The following PCCA variants were observed in gnomAD, a reference collection of about 807,000 sequenced individuals.
The protein encoded by PCCA is propionyl-CoA carboxylase subunit alpha.
A neutral mutation model predicts 101.3 loss-of-function variants in PCCA; 74 were observed. The ratio of observed to expected loss-of-function variants is 0.73; its 90% CI spans 0.61 to 0.89. PCCA has a LOEUF of 0.89. Ranked by LOEUF, PCCA falls within the 40% of genes least tolerant of loss-of-function variation. PCCA has a pLI of 0.00. For missense variants in PCCA, 891 were observed against 907.0 expected, an observed-to-expected ratio of 0.98 and a Z score of 0.23; for synonymous variants, 294 against 313.6, an observed-to-expected ratio of 0.94 and a Z score of 0.66.
At chr13:100,473,163 T>TGGTGTACCTGTGCCGC (rs2152957595) in intron 21 of PCCA, 1 of 152,354 alleles carries the variant, frequency 6.6e-6, no homozygotes, top group Non-Finnish European at 1.5e-5. Context: ...AACGGTGACG[T>TGGTGTACCTGTGCCGC]GGTGTACCTG....
chr13:100,304,884 A>G (rs1325999075), intron 14 of PCCA, among the ~76,000 whole-genome samples: 1 of 152,194 alleles, frequency 6.6e-6, no homozygotes, highest in Non-Finnish European at 1.5e-5. Context: ...AGATTTATTA[A>G]TATGGCAGAG....
chr13:100,444,431 C>CTT (rs57941571), intron 20 of PCCA, among the ~76,000 whole-genome samples: 2 of 45,458 alleles, frequency 4.4e-5, no homozygotes, highest in Non-Finnish European at 7.3e-5. Flanking sequence ...TTTGAACAAC[C>CTT]TTTTTTTTTT....
intron 19 of PCCA, among the ~76,000 whole-genome samples, chr13:100,398,883 TATTA>T (rs1219458521): frequency 6.6e-6 from 1 of 152,342 alleles, no homozygotes; most frequent in South Asian, 2.1e-4. Flanking sequence ...AAAAATTTAC[TATTA>T]ATTATAATAA....
chr13:100,422,182 G>A (rs1197881645), intron 19 of PCCA, among the ~76,000 whole-genome samples: 11 of 142,808 alleles, frequency 7.7e-5, no homozygotes, highest in Non-Finnish European at 1.5e-5. Flanking sequence ...GTCCAGCCTG[G>A]AGTGCAGTGG....
At chr13:100,210,812 C>T (rs1428514574) in intron 7 of PCCA, among the ~76,000 whole-genome samples, 1 of 152,166 alleles carries the variant, frequency 6.6e-6, no homozygotes, top group Non-Finnish European at 1.5e-5. Context: ...TCATTTCATG[C>T]ATTAGAGGAC....
At position 100,308,514 on chromosome 13, in the gene PCCA, T is replaced by C. The variant is rs112471983; in HGVS notation, c.1353+1254T>C. Among the ~76,000 whole-genome samples, 659 of 151,892 alleles carry C rather than the reference T, an allele frequency of 4.3e-3. 10 individuals carry two copies. The highest frequency in any genetic ancestry group is 0.015 in the African/African-American group (634 of 41,414). On this transcript the variant is annotated intron_variant, in intron 15 of 23. Coordinates refer to ENST00000376285, the MANE Select transcript of PCCA (RefSeq NM_000282.4). The stretch of plus-strand genomic sequence containing the variant: ...TATTTTTTTATATCTTTTGTAGAAA[T>C]GGGGCTTCCTCATGTTACCCAGGCT...
intron 6 of PCCA, among the ~76,000 whole-genome samples, chr13:100,191,861 A>G (rs1275075684): frequency 6.6e-6 from 1 of 152,184 alleles, no homozygotes; most frequent in African/African-American, 2.4e-5. Context: ...TTAGTCTATT[A>G]TATACAATGC....
At chr13:100,502,096 C>T (rs1486843075) in intron 21 of PCCA, among the ~76,000 whole-genome samples, 1 of 152,142 alleles carries the variant, frequency 6.6e-6, no homozygotes, top group Non-Finnish European at 1.5e-5. Context: ...TAATTTAGTG[C>T]TCACACTACA....
intron 10 of PCCA, among the ~76,000 whole-genome samples, 176 bp downstream of exon 10, chr13:100,263,007 C>T (rs1009010767): frequency 2.6e-5 from 4 of 152,016 alleles, no homozygotes; most frequent in Admixed American, 6.6e-5. Context: ...AAAAATCTAC[C>T]TCCAAAAAAT....
At chr13:100,257,035 C>A (rs756269927) in intron 8 of PCCA, among the ~76,000 whole-genome samples, 20 of 152,134 alleles carry the variant, frequency 1.3e-4, no homozygotes, top group Non-Finnish European at 2.4e-4. Flanking sequence ...TCCATTGATA[C>A]CAGTGAGCCC....
intron 4 of PCCA, among the ~76,000 whole-genome samples, chr13:100,141,305 T>G (rs552002529): frequency 2.6e-5 from 4 of 152,236 alleles, no homozygotes; most frequent in Admixed American, 1.3e-4. Context: ...CTCTGTTAGT[T>G]CTCTCTCACT....
At chr13:100,302,849 A>G (rs2066168907) in intron 13 of PCCA, 75 bp from the exon 14 acceptor site, 1 of 849,100 alleles carries the variant, frequency 1.2e-6, no homozygotes, top group Non-Finnish European at 2.1e-6. Context: ...ATGGTTCTTC[A>G]TTGTGTAAAT....
At chr13:100,224,314 G>A (rs1224388890) in intron 7 of PCCA, among the ~76,000 whole-genome samples, 3 of 152,236 alleles carry the variant, frequency 2.0e-5, no homozygotes, top group Admixed American at 2.0e-4. Context: ...CTCATTGCCC[G>A]GGGCCGGCAG....
chr13:100,298,419 C>T (rs1006444354), intron 12 of PCCA, among the ~76,000 whole-genome samples: 1 of 152,126 alleles, frequency 6.6e-6, no homozygotes, highest in African/African-American at 2.4e-5. Flanking sequence ...GACACAGAAA[C>T]CTTTTCCCCC....
intron 19 of PCCA, among the ~76,000 whole-genome samples, chr13:100,406,808 T>C (rs777012309): frequency 5.9e-5 from 9 of 152,246 alleles, no homozygotes; most frequent in Non-Finnish European, 1.2e-4. Context: ...AAAAGGTTGC[T>C]TCAGGTTTCT....
intron 4 of PCCA, chr13:100,150,902 C>G (rs1023434615): frequency 1.3e-5 from 20 of 1,550,282 alleles, no homozygotes; most frequent in Non-Finnish European, 1.8e-5. Flanking sequence ...ACGGCAAACA[C>G]GAATCCTATA....
chr13:100,211,543 C>G (rs1242396331), intron 7 of PCCA, among the ~76,000 whole-genome samples: 3 of 152,212 alleles, frequency 2.0e-5, no homozygotes, highest in East Asian at 3.9e-4. Flanking sequence ...TTACTCAGTT[C>G]TAGTTTTTGT....
chr13:100,454,019 G>A (rs1158689549), intron 21 of PCCA, among the ~76,000 whole-genome samples: 4 of 151,860 alleles, frequency 2.6e-5, no homozygotes, highest in Non-Finnish European at 5.9e-5. Flanking sequence ...TACTGGTGCC[G>A]GCCACTACAC....
At chr13:100,162,542 G>A (rs1001722622) in intron 6 of PCCA, among the ~76,000 whole-genome samples, 2 of 152,148 alleles carry the variant, frequency 1.3e-5, no homozygotes, top group African/African-American at 4.8e-5. Flanking sequence ...GCTGTTGGTG[G>A]AGGCTTCTCT....
Sources: allele counts gnomAD v4.1 joint callset (sites outside exome capture counted in the v4.1 genomes callset), GRCh38; gene constraint gnomAD v4.1.1; transcripts MANE v1.5; gene names NCBI Gene and HGNC (gene_info 2026-07-23, HGNC 2026-07-21).